Variants in FNDC3A observed in about 807,000 individuals in gnomAD.
FNDC3A encodes fibronectin type-III domain-containing protein 3A.
Under a neutral mutation model 148.9 loss-of-function variants are expected in FNDC3A, and 32 were observed. The observed-to-expected ratio is 0.21, with a 90% CI of 0.16 to 0.29. FNDC3A has a LOEUF of 0.29. Ranked by LOEUF, FNDC3A falls within the 10% of genes least tolerant of loss-of-function variation. The pLI is 1.00. For synonymous variants in FNDC3A, 472 were observed against 473.6 expected (o/e 1.00, Z 0.04); for missense variants, 1,191 against 1,452.8 (o/e 0.82, Z 2.93).
At chr13:49,100,205 T>G (rs138367271) in intron 3 of FNDC3A, among the ~76,000 whole-genome samples, 1,726 of 152,226 alleles carry the variant, frequency 0.011, 35 homozygotes, top group African/African-American at 0.039. Flanking sequence ...AAGCATTTTA[T>G]TTTTCGATAG....
In FNDC3A at chr13:49,186,008, A is replaced by G; in HGVS notation, c.1662A>G (p.Val554=). 1 of 1,611,982 alleles carries G rather than the reference A, an allele frequency of 6.2e-7. No homozygotes were observed. Among genetic ancestry groups the G allele is most frequent in the Non-Finnish European group, 8.5e-7 (1 of 1,178,278 alleles). Residue 554 remains valine, a synonymous_variant, in exon 15 of 26, where the codon GTA becomes GTG. Transcript: ENST00000492622. ...AAGGTAAAAGTAATCCAAGTGAAGTAGTAGAATTTACTACTTGCCCTGATA... is the reference window on the plus strand; with the variant it reads ...AAGGTAAAAGTAATCCAAGTGAAGTGGTAGAATTTACTACTTGCCCTGATA... The part of the protein sequence containing the change: ...NSEGKSNPSE[V]VEFTTCPDKP...
chr13:49,146,149 C>T, intron 8 of FNDC3A: 1 of 469,556 alleles, frequency 2.1e-6, no homozygotes, highest in East Asian at 4.0e-5. Context: ...TTATTGGCCA[C>T]ATTCAGCTTT....
rs1952238337 is a variant in FNDC3A, at chr13:49,007,228, A to T, written c.99+939A>T. Among the ~76,000 whole-genome samples, 3 of 152,222 alleles carry T rather than the reference A, an allele frequency of 2.0e-5. No individual in the cohort carries two copies. The South Asian group carries it at 6.2e-4, about 32-fold the overall frequency. On this transcript the variant is annotated intron_variant, in intron 2 of 25. Transcript: ENST00000492622. ...TATAGTAGGCAATTATGATTTGCTG[A>T]CAAGATAAAGGGCTACTATTGAAAA...
intron 3 of FNDC3A, among the ~76,000 whole-genome samples, chr13:49,083,430 A>T (rs1878606240): frequency 6.6e-6 from 1 of 152,246 alleles, no homozygotes; most frequent in Admixed American, 6.5e-5. Context: ...GAAATCTTGG[A>T]CTTCAAAAAT....
intron 14 of FNDC3A, among the ~76,000 whole-genome samples, chr13:49,185,280 CTT>C (rs1471484542): frequency 6.6e-6 from 1 of 152,100 alleles, no homozygotes; most frequent in African/African-American, 2.4e-5. Flanking sequence ...AAAAAACAAA[CTT>C]ATAGTTTCTG....
At chr13:49,168,378 A>G (rs1884586024) in intron 9 of FNDC3A, among the ~76,000 whole-genome samples, 1 of 152,146 alleles carries the variant, frequency 6.6e-6, no homozygotes, top group Admixed American at 6.5e-5. Context: ...TCAGGAATAT[A>G]TATGCACACT....
chr13:49,102,752 T>G (rs1194766464), intron 3 of FNDC3A, among the ~76,000 whole-genome samples: 1 of 152,220 alleles, frequency 6.6e-6, no homozygotes, highest in Admixed American at 6.5e-5. Context: ...GATTACAGTT[T>G]ATAGGAATGC....
intron 1 of FNDC3A, among the ~76,000 whole-genome samples, chr13:48,990,422 A>G (rs1413840545): frequency 6.6e-6 from 1 of 151,874 alleles, no homozygotes; most frequent in South Asian, 2.1e-4. Context: ...TTATTATTTG[A>G]ATATCTTTAA....
At chr13:49,169,602 AT>A (rs1884653064) in intron 10 of FNDC3A, among the ~76,000 whole-genome samples, 1 of 152,162 alleles carries the variant, frequency 6.6e-6, no homozygotes, top group African/African-American at 2.4e-5. Flanking sequence ...ATTTCAAAAC[AT>A]CCCCTAGAAT....
chr13:49,009,336 TG>T (rs1434399490), intron 2 of FNDC3A, among the ~76,000 whole-genome samples: 1 of 152,222 alleles, frequency 6.6e-6, no homozygotes, highest in African/African-American at 2.4e-5. Flanking sequence ...ATTGTATAGA[TG>T]GACCAGTTTG....
intron 19 of FNDC3A, among the ~76,000 whole-genome samples, chr13:49,195,634 A>G (rs1272140241): frequency 2.0e-5 from 3 of 152,244 alleles, no homozygotes. Context: ...GTTATTTATT[A>G]ACATTTTTAT....
intron 2 of FNDC3A, among the ~76,000 whole-genome samples, chr13:49,073,505 C>A (rs935496611): frequency 1.6e-4 from 25 of 151,712 alleles, no homozygotes; most frequent in African/African-American, 5.8e-4. Flanking sequence ...CCACACCCAA[C>A]CTCATCTGAC....
At chr13:49,166,591 A>T (rs1884474377) in intron 8 of FNDC3A, among the ~76,000 whole-genome samples, 1 of 152,230 alleles carries the variant, frequency 6.6e-6, no homozygotes, top group Non-Finnish European at 1.5e-5. Context: ...GTTGCAGCCC[A>T]CAAGGGTCTA....
Position 49,167,296 on chromosome 13 carries a change from C to T in FNDC3A, c.1030C>T (p.His344Tyr). 1 of 1,598,470 alleles carries T rather than the reference C, an allele frequency of 6.3e-7. No individual in the cohort carries two copies. Among genetic ancestry groups the T allele is most frequent in the Non-Finnish European group, 8.5e-7 (1 of 1,170,134 alleles). Residue 344 changes from histidine (H) to tyrosine (Y), a missense_variant, in exon 9 of 26, where the codon CAT becomes TAT. By Grantham distance (83) the His-to-Tyr change is moderately conservative (BLOSUM62 2). Coordinates refer to ENST00000492622, the MANE Select transcript of FNDC3A (RefSeq NM_001079673.2). Reference sequence around the variant, plus strand: ...TGATCTCAAGCCAGCCATGGATTACCATGCAAAGTAAGGAATTCCTACAGA... The same window carrying T: ...TGATCTCAAGCCAGCCATGGATTACTATGCAAAGTAAGGAATTCCTACAGA... ...LNDLKPAMDY[H>Y]AKVQAEYNSI... is the part of the protein sequence containing the mutation.
chr13:49,059,266 T>C (rs185907279), intron 2 of FNDC3A, among the ~76,000 whole-genome samples: 40 of 152,334 alleles, frequency 2.6e-4, no homozygotes, highest in African/African-American at 7.7e-4. Flanking sequence ...ATAGAACTCT[T>C]AGAAGACAAC....
intron 2 of FNDC3A, among the ~76,000 whole-genome samples, chr13:49,018,876 C>G (rs185799665): frequency 5.9e-5 from 9 of 152,182 alleles, no homozygotes; most frequent in African/African-American, 1.7e-4. Context: ...AGGTGTCAGT[C>G]TGCCCCTGCT....
chr13:48,993,502 GA>G, intron 1 of FNDC3A, among the ~76,000 whole-genome samples: 1 of 152,094 alleles, frequency 6.6e-6, no homozygotes, highest in Non-Finnish European at 1.5e-5. Context: ...AATCTCATAT[GA>G]TAGCACACTT....
chr13:49,209,096 G>T lies in FNDC3A; in HGVS notation c.*1701G>T, dbSNP rs1232666548. 6.6e-6 allele frequency: 1 copy of T among 152,520 alleles called. No homozygotes were observed. The highest frequency in any genetic ancestry group is 2.4e-5 in the African/African-American group (1 of 41,424). 9.4% of individuals were successfully genotyped at this position (152,520 alleles called of 1,614,324 possible). ...TTAAATTTAATCTCTTATGTATAGG[G>T]TGATAACCTTCCCCAGAAACAACAG... On this transcript the variant is annotated 3_prime_UTR_variant, in exon 26 of 26. Coordinates refer to ENST00000492622, the MANE Select transcript of FNDC3A (RefSeq NM_001079673.2).
At chr13:49,137,847 A>G (rs970506686) in intron 6 of FNDC3A, among the ~76,000 whole-genome samples, 2 of 152,138 alleles carry the variant, frequency 1.3e-5, no homozygotes, top group Admixed American at 6.5e-5. Flanking sequence ...AATACTGACT[A>G]TTATCTGTTT....
Sources: gnomAD v4.1 joint callset for allele counts (sites outside exome capture counted in the v4.1 genomes callset) on GRCh38, gnomAD v4.1.1 for gene constraint, MANE v1.5 for transcripts, NCBI Gene and HGNC (gene_info 2026-07-23, HGNC 2026-07-21) for gene names.